PGC: variants seen among roughly 807,000 people sequenced by gnomAD.
PGC encodes the protein gastricsin.
Under a neutral mutation model 45.9 loss-of-function variants are expected in PGC, and 31 were observed. The observed-to-expected ratio is 0.67, with a 90% CI of 0.51 to 0.91. PGC has a LOEUF of 0.91. Among genes scored for constraint, PGC ranks in the 40% least tolerant of loss-of-function variants. The pLI, the probability that PGC is intolerant of heterozygous loss-of-function variation, is 0.00. For missense variants in PGC, 477 were observed against 493.2 expected, an observed-to-expected ratio of 0.97 and a Z score of 0.31; for synonymous variants, 192 against 201.8, an observed-to-expected ratio of 0.95 and a Z score of 0.41.
chr6:41,745,697 G>A (rs1771919452), intron 1 of PGC, among the ~76,000 whole-genome samples: 1 of 151,600 alleles, frequency 6.6e-6, no homozygotes. Context: ...TTACAGGCAA[G>A]GGCCACCATG....
At position 41,740,474 on chromosome 6, in the gene PGC, C is replaced by T; in HGVS notation, c.767+17G>A. 1 of 1,597,874 alleles carries T rather than the reference C, an allele frequency of 6.3e-7. No individual in the cohort carries two copies. Among genetic ancestry groups the T allele is most frequent in the South Asian group, 1.1e-5 (1 of 88,700 alleles). ...CCAAGGAAGTGCCACATCCCCAGGG[C>T]CCCACCGCAGACTCACTCTTCAATG... On this transcript the variant is annotated intron_variant, in intron 6 of 8. Transcript: ENST00000373025.
chr6:41,744,796 C>G lies in PGC; in HGVS notation c.72G>C (p.Lys24Asn). The change falls in exon 2 of 9, where the codon AAG (lysine) becomes AAC (asparagine). Residue 24 changes from lysine (K) to asparagine (N), a missense_variant. Coordinates refer to ENST00000373025, the MANE Select transcript of PGC (RefSeq NM_002630.4). The surrounding 1 kb of genome is among the most constrained non-coding windows in gnomAD (Gnocchi z 4.4). ...LEAAVVKVPL[K>N]KFKSIRETMK... is the part of the protein sequence containing the mutation. ...TGGTCTCACGGATAGACTTAAATTT[C>G]TTCAGGGGCACTCTACAGAAAGGTT... 1 of 1,614,034 alleles carries G rather than the reference C, an allele frequency of 6.2e-7. No homozygotes were observed.
At chr6:41,739,720 G>T in intron 7 of PGC, 79 bp downstream of exon 7, 1 of 1,426,856 alleles carries the variant, frequency 7.0e-7, no homozygotes, top group Non-Finnish European at 9.5e-7. Context: ...CGCCCAGCTG[G>T]CTATTGTGTT....
In PGC at chr6:41,740,500, C is replaced by T. The variant is rs146769097; in HGVS notation, c.758G>A (p.Gly253Asp). The T allele has an allele frequency of 1.8e-3, 2,947 of 1,610,196 alleles. 25 individuals carry two copies. The highest frequency in any genetic ancestry group is 0.01 in the South Asian group (930 of 90,480). ...CCCACCGCAGACTCACTCTTCAATG[C>T]CAATCTGCCAGTAGAGTTCCTGGGT... ...PVTQELYWQI[G>D]IEEFLIGGQA... The change falls in exon 6 of 9, where the codon GGC becomes GAC. Residue 253 changes from glycine (G) to aspartate (D), a missense_variant. Coordinates refer to ENST00000373025, the MANE Select transcript of PGC (RefSeq NM_002630.4).
chr6:41,738,285 CAT>C (rs1421693840), intron 7 of PGC, among the ~76,000 whole-genome samples: 3 of 132,222 alleles, frequency 2.3e-5, no homozygotes, highest in Admixed American at 7.7e-5. Context: ...CACACACACA[CAT>C]ACACAGGCAT....
intron 7 of PGC, among the ~76,000 whole-genome samples, chr6:41,738,337 C>A (rs1442777527): frequency 1.3e-5 from 2 of 150,590 alleles, no homozygotes; most frequent in Non-Finnish European, 3.0e-5. Flanking sequence ...TTTTAAAACA[C>A]GCAGATCTGG....
intron 4 of PGC, 37 bp downstream of exon 4, chr6:41,743,234 C>T (rs758669710): frequency 8.0e-7 from 1 of 1,249,670 alleles, no homozygotes; most frequent in South Asian, 1.2e-5. Flanking sequence ...CAGCTTATAG[C>T]TCACAGCCCC....
Position 41,744,581 on chromosome 6 carries a change from G to A in PGC, c.211-67C>T. 1.3e-6 allele frequency: 2 copies of A among 1,587,656 alleles called. No individual in the cohort carries two copies. Among genetic ancestry groups the A allele is most frequent in the Non-Finnish European group, 1.7e-6 (2 of 1,159,950 alleles). On this transcript the variant is annotated intron_variant, in intron 2 of 8. Coordinates refer to ENST00000373025, the MANE Select transcript of PGC (RefSeq NM_002630.4). The surrounding 1 kb of genome is among the most constrained non-coding windows in gnomAD (Gnocchi z 4.4). ...GGGGCCCCAGGCTCCTCCATGGGCA[G>A]AGGAGTGAAGGGACCTGCCCCTTCC...
Position 41,744,700 on chromosome 6 carries a change from A to G in PGC, c.168T>C (p.Phe56=). The G allele has an allele frequency of 6.2e-7, 1 of 1,614,134 alleles. No individual in the cohort carries two copies. Among genetic ancestry groups the G allele is most frequent in the Non-Finnish European group, 8.5e-7 (1 of 1,180,000 alleles). The change falls in exon 2 of 9, where the codon TTT becomes TTC. Residue 56 remains phenylalanine (F), a synonymous_variant. Coordinates refer to ENST00000373025, the MANE Select transcript of PGC (RefSeq NM_002630.4). This position sits in a 1 kb window ranked among gnomAD's most constrained non-coding sequence, Gnocchi z 4.4. ...HKYDPAWKYR[F]GDLSVTYEPM... ...GCTCGTAGGTCACGCTGAGGTCACC[A>G]AAGCGGTACTTCCAAGCAGGATCAT...
chr6:41,746,877 G>A (rs1441440890), intron 1 of PGC, among the ~76,000 whole-genome samples: 2 of 152,200 alleles, frequency 1.3e-5, no homozygotes, highest in Non-Finnish European at 2.9e-5. Flanking sequence ...GCATCTGCCA[G>A]TAAATTTTCA....
chr6:41,741,699 G>T, intron 5 of PGC: 2 of 787,864 alleles, frequency 2.5e-6, no homozygotes, highest in South Asian at 1.5e-5. Context: ...TTCTGAAGAA[G>T]AACAAAGAAA....
rs573861763 is a variant in PGC, at chr6:41,737,754, C to A, written c.990G>T (p.Leu330=). 5 of 1,607,862 alleles carry A rather than the reference C, an allele frequency of 3.1e-6. No individual in the cohort carries two copies. The African/African-American group carries it at 4.0e-5, about 13-fold the overall frequency. Residue 330 remains leucine, a synonymous_variant, in exon 8 of 9, where the codon CTG becomes CTT. Transcript: ENST00000373025. ...CACTGAGGATATAGGAGGAAGGTGGCAGAGGGAACTCCACACCATTGATGA... is the reference window on the plus strand; with the variant it reads ...CACTGAGGATATAGGAGGAAGGTGGAAGAGGGAACTCCACACCATTGATGA... ...TFIINGVEFP[L]PPSSYILSNN... is the part of the protein sequence containing the mutation.
Position 41,744,852 on chromosome 6 carries a change from C to A in PGC, c.60-44G>T, listed in dbSNP as rs767310810. 9.1e-6 allele frequency: 14 copies of A among 1,545,238 alleles called. No individual in the cohort carries two copies. In the African/African-American group the frequency reaches 1.8e-4, roughly 20 times the overall value. ...TGAGGCAAGGCCCTCCCTCCTTCCT[C>A]TCTTCCCACTCCTCTCTTTCTCTCT... On this transcript the variant is annotated intron_variant, in intron 1 of 8. Coordinates refer to ENST00000373025, the MANE Select transcript of PGC (RefSeq NM_002630.4). This position sits in a 1 kb window ranked among gnomAD's most constrained non-coding sequence, Gnocchi z 4.4.
In PGC at chr6:41,744,935, CTGTG is replaced by C. The variant is rs1771901744; in HGVS notation, c.60-131_60-128del. 3 of 792,922 alleles carry C rather than the reference CTGTG, an allele frequency of 3.8e-6. No individual in the cohort carries two copies. The highest frequency in any genetic ancestry group is 3.5e-5 in the African/African-American group (2 of 57,786). 49.1% of individuals were successfully genotyped at this position (792,922 alleles called of 1,614,324 possible). On this transcript the variant is annotated intron_variant, in intron 1 of 8. Transcript: ENST00000373025. The surrounding 1 kb of genome is among the most constrained non-coding windows in gnomAD (Gnocchi z 4.4). ...TGCCACTCTGTTTGTTCCCCCTTGTCTGTGTGTGTCTTTTTCTCTCTCTCAGCCT... is the reference window on the plus strand; with the variant it reads ...TGCCACTCTGTTTGTTCCCCCTTGTCTGTGTCTTTTTCTCTCTCTCAGCCT...
Position 41,745,548 on chromosome 6 carries a change from AGT to A in PGC, c.60-742_60-741del, listed in dbSNP as rs1491343241. ...CCACCGCACCTGGCCCAGGATATGT[AGT>A]TTTTTTTTTTTTTTTTGAGACAGAG... On this transcript the variant is annotated intron_variant, in intron 1 of 8. Transcript: ENST00000373025. 2.1e-4 allele frequency among the ~76,000 whole-genome samples: 29 copies of A among 138,666 alleles called. 1 individual carries two copies. Among genetic ancestry groups the A allele is most frequent in the African/African-American group, 7.4e-4 (27 of 36,450 alleles). The allele number at this position is 138,666 out of a possible 152,430, so 91.0% of individuals were successfully genotyped here. A position where few individuals can be genotyped will look rare whatever the true frequency, so the allele number is the denominator to read the frequency against.
rs753390853 is a variant in PGC, at chr6:41,742,324, G to A, written c.613C>T (p.Leu205Phe). The change falls in exon 5 of 9, where the codon CTC (leucine) becomes TTC (phenylalanine). Residue 205 changes from leucine (L) to phenylalanine (F), a missense_variant. Leu to Phe is a conservative substitution (Grantham distance 22). Transcript: ENST00000373025. ...TAGACGCTGAAGACGGGGCTGGTGAGGGCGCCCTCCTGCACCATGCCCTGC... is the reference window on the plus strand; with the variant it reads ...TAGACGCTGAAGACGGGGCTGGTGAAGGCGCCCTCCTGCACCATGCCCTGC... ...AMQGMVQEGA[L>F]TSPVFSVYLS... 2.3e-5 allele frequency: 37 copies of A among 1,614,000 alleles called. No homozygotes were observed. The highest frequency in any genetic ancestry group is 6.7e-5 in the Admixed American group (4 of 60,006).
At chr6:41,738,954 C>T (rs1020869041) in intron 7 of PGC, among the ~76,000 whole-genome samples, 1 of 151,416 alleles carries the variant, frequency 6.6e-6, no homozygotes, top group South Asian at 2.1e-4. Context: ...AGAGAGACTC[C>T]GTCTCAAAAA....
Position 41,747,368 on chromosome 6 carries a change from C to T in PGC, c.-34G>A, listed in dbSNP as rs150465971. The T allele has an allele frequency of 3.8e-6, 6 of 1,594,254 alleles. No homozygotes were observed. In the African/African-American group the frequency reaches 8.0e-5, roughly 21 times the overall value. On this transcript the variant is annotated 5_prime_UTR_variant, in exon 1 of 9. Coordinates refer to ENST00000373025, the MANE Select transcript of PGC (RefSeq NM_002630.4). ...TCCCCAACTGGCCACAGAGGAAGAG[C>T]AGCTCTGAGTTCTGCAGTCGCAGTG...
chr6:41,742,251 G>C, intron 5 of PGC, 39 bp downstream of exon 5: 7 of 1,584,698 alleles, frequency 4.4e-6, no homozygotes, highest in Non-Finnish European at 6.1e-6. Context: ...GGCCGGGGGA[G>C]CATCCCGGGA....
Sources: allele counts gnomAD v4.1 joint callset (sites outside exome capture counted in the v4.1 genomes callset), GRCh38; gene constraint gnomAD v4.1.1; non-coding constraint Gnocchi (gnomAD v3.1); transcripts MANE v1.5; gene names NCBI Gene and HGNC (gene_info 2026-07-23, HGNC 2026-07-21).